KMT2A: variants seen among roughly 807,000 people sequenced by gnomAD.
The protein encoded by KMT2A is histone-lysine N-methyltransferase 2A.
KMT2A carries 16 observed loss-of-function variants against 345.3 expected under a neutral mutation model. The observed-to-expected ratio is 0.05, with a 90% CI of 0.03 to 0.07. KMT2A has a LOEUF of 0.07. Ranked by LOEUF, KMT2A falls within the 10% of genes least tolerant of loss-of-function variation. KMT2A has a pLI of 1.00. For synonymous variants in KMT2A, 1,599 were observed against 1,778.6 expected (o/e 0.90, Z 2.54); for missense variants, 3,272 against 4,841.6 (o/e 0.68, Z 9.62).
chr11:118,439,158 C>CAAAAAAAAAAAAGAAAAA, intron 1 of KMT2A: 1 of 265,446 alleles, frequency 3.8e-6, no homozygotes, highest in Non-Finnish European at 7.5e-6. Flanking sequence ...GATACAGCAG[C>CAAAAAAAAAAAAGAAAAA]AAAAAAAAAA....
In KMT2A at chr11:118,498,330, T is replaced by A; in HGVS notation, c.5803-40T>A. 1 of 1,573,738 alleles carries A rather than the reference T, an allele frequency of 6.4e-7. No individual in the cohort carries two copies. The highest frequency in any genetic ancestry group is 1.1e-5 in the South Asian group (1 of 87,522). ...GAGACGGTAAACGTCTTAAAACATA[T>A]GAAAGTCTGAATAGGACTCTGTTCT... On this transcript the variant is annotated intron_variant, in intron 21 of 35. Transcript: ENST00000534358. The surrounding 1 kb of genome is among the most constrained non-coding windows in gnomAD (Gnocchi z 4.4).
rs141926731 is a variant in KMT2A, at chr11:118,469,083, T to C, written c.502+239T>C. Among the ~76,000 whole-genome samples the C allele has an allele frequency of 5.0e-3, 760 of 152,260 alleles. 3 individuals are homozygous for C. Among genetic ancestry groups the C allele is most frequent in the African/African-American group, 0.018 (728 of 41,524 alleles). ...GTATACATGTGCCATGCTGGTGCGCTGCACCCACTAACTCGTCATCTAGCA... is the reference window on the plus strand; with the variant it reads ...GTATACATGTGCCATGCTGGTGCGCCGCACCCACTAACTCGTCATCTAGCA... On this transcript the variant is annotated intron_variant, in intron 2 of 35. Transcript: ENST00000534358.
intron 11 of KMT2A, among the ~76,000 whole-genome samples, chr11:118,489,229 C>T (rs1950284571): frequency 4.4e-5 from 2 of 45,868 alleles, no homozygotes; most frequent in South Asian, 5.4e-4. Flanking sequence ...GAGACTCCAT[C>T]TCAAAAAAAA....
chr11:118,486,248 A>C (rs1357973655), intron 10 of KMT2A, among the ~76,000 whole-genome samples: 1 of 152,224 alleles, frequency 6.6e-6, no homozygotes, highest in African/African-American at 2.4e-5. Flanking sequence ...ATAATATATA[A>C]AGCACAATCC....
rs1228808276 is a variant in KMT2A at position 118,472,108 on chromosome 11, G to C, written c.949G>C (p.Gly317Arg). 9.3e-6 allele frequency: 15 copies of C among 1,613,846 alleles called. No homozygotes were observed. Among genetic ancestry groups the C allele is most frequent in the Admixed American group, 3.3e-5 (2 of 59,982 alleles). The change falls in exon 3 of 36, where the codon GGT becomes CGT. Residue 317 changes from glycine (G) to arginine (R), a missense_variant. This residue lies in a region of KMT2A where 412 missense variants were observed against 511.0 expected (regional missense o/e 0.81). Transcript: ENST00000534358. ...PSTERIKTPS[G>R]LLINSELEKP... ...AACAGAAAGGATAAAGACCCCTTCG[G>C]GTCTCCTCATTAATTCTGAACTGGA...
At chr11:118,440,925 C>T (rs1281376086) in intron 1 of KMT2A, among the ~76,000 whole-genome samples, 1 of 151,774 alleles carries the variant, frequency 6.6e-6, no homozygotes, top group Admixed American at 6.6e-5. Context: ...TGCACGAAGC[C>T]TCCGAGTAGA....
intron 15 of KMT2A, among the ~76,000 whole-genome samples, chr11:118,492,675 T>C (rs1950344703): frequency 6.6e-6 from 1 of 152,056 alleles, no homozygotes; most frequent in African/African-American, 2.4e-5. Flanking sequence ...CGAGAGTCCA[T>C]CTCAAAACAA....
At chr11:118,507,695 T>A in intron 28 of KMT2A, 86 bp downstream of exon 28, 1 of 1,076,730 alleles carries the variant, frequency 9.3e-7, no homozygotes, top group Non-Finnish European at 1.4e-6. Context: ...CCGGGCGCAG[T>A]GGCTCACGCC....
Position 118,524,128 on chromosome 11 carries a change from CCCA to C in KMT2A, c.*1960_*1962del, listed in dbSNP as rs1429649075. ...TAGGCCACTCTTTCCTTTCCCTCTG[CCCA>C]CCAAGTCCTCATATCTGCAGAGAAC... On this transcript the variant is annotated 3_prime_UTR_variant, in exon 36 of 36. Coordinates refer to ENST00000534358, the MANE Select transcript of KMT2A (RefSeq NM_001197104.2). 2.2e-5 allele frequency: 4 copies of C among 184,310 alleles called. No individual in the cohort carries two copies. The East Asian group carries it at 2.6e-4, about 12-fold the overall frequency. The allele number at this position is 184,310 out of a possible 1,614,324, so 11.4% of individuals were successfully genotyped here.
chr11:118,486,238 A>G (rs1950227305), intron 10 of KMT2A, among the ~76,000 whole-genome samples: 1 of 152,226 alleles, frequency 6.6e-6, no homozygotes, highest in African/African-American at 2.4e-5. Flanking sequence ...AGGTTACAAG[A>G]TAATATATAA....
Position 118,520,327 on chromosome 11 carries a change from G to A in KMT2A, c.11429+263G>A. 1 of 462,446 alleles carries A rather than the reference G, an allele frequency of 2.2e-6. No homozygotes were observed. The highest frequency in any genetic ancestry group is 3.8e-6 in the Non-Finnish European group (1 of 260,322). The allele number at this position is 462,446 out of a possible 1,614,324, so 28.6% of individuals were successfully genotyped here. A position where few individuals can be genotyped will look rare whatever the true frequency, so the allele number is the denominator to read the frequency against. On this transcript the variant is annotated intron_variant, in intron 33 of 35. Coordinates refer to ENST00000534358, the MANE Select transcript of KMT2A (RefSeq NM_001197104.2). The surrounding 1 kb of genome is among the most constrained non-coding windows in gnomAD (Gnocchi z 4.3). ...CAGCTTTGGTTGTACCACCATAGTT[G>A]TCATGGTCAGAAAGTACTATATATA...
intron 30 of KMT2A, among the ~76,000 whole-genome samples, chr11:118,511,636 T>A: frequency 6.6e-6 from 1 of 152,132 alleles, no homozygotes. Flanking sequence ...TACCAAACAT[T>A]CAGGTGTGAG....
In KMT2A at chr11:118,489,857, C is replaced by G; in HGVS notation, c.4545C>G (p.Pro1515=). 7.4e-6 allele frequency: 12 copies of G among 1,614,126 alleles called. No homozygotes were observed. The highest frequency in any genetic ancestry group is 1.0e-5 in the Non-Finnish European group (12 of 1,180,002). The change falls in exon 12 of 36, where the codon CCC becomes CCG. Residue 1515 remains proline, a synonymous_variant. Coordinates refer to ENST00000534358, the MANE Select transcript of KMT2A (RefSeq NM_001197104.2). ...CTGAGTGCCTGGGACCAAACTACCC[C>G]ACCAAACCCACAAAGAAGAAGAAAG... ...YHPECLGPNY[P]TKPTKKKKVW...
chr11:118,514,586 G>A (rs782563370), intron 31 of KMT2A, among the ~76,000 whole-genome samples: 6 of 150,080 alleles, frequency 4.0e-5, no homozygotes, highest in Admixed American at 6.6e-5. Context: ...GACTACAGGC[G>A]CATGCTACCA....
chr11:118,502,765 G>T lies in KMT2A; in HGVS notation c.6873G>T (p.Met2291Ile). ...TGGATGGATCTTCATCTTCAGAAAT[G>T]AAGCAGTCCAGTGCTTCAGACTTGG... ...SHLDGSSSSEMKQSSASDLVS... is the reference protein window; with the variant it reads ...SHLDGSSSSEIKQSSASDLVS... Residue 2291 changes from methionine to isoleucine, a missense_variant, in exon 27 of 36, where the codon ATG (methionine) becomes ATT (isoleucine). Physicochemically the swap from Met to Ile is conservative, Grantham distance 10. This residue lies in a region of KMT2A where 445 missense variants were observed against 500.9 expected (regional missense o/e 0.89). Coordinates refer to ENST00000534358, the MANE Select transcript of KMT2A (RefSeq NM_001197104.2). This position sits in a 1 kb window ranked among gnomAD's most constrained non-coding sequence, Gnocchi z 4.9. 1 of 1,614,144 alleles carries T rather than the reference G, an allele frequency of 6.2e-7. No individual in the cohort carries two copies. The highest frequency in any genetic ancestry group is 2.2e-5 in the East Asian group (1 of 44,892).
intron 1 of KMT2A, among the ~76,000 whole-genome samples, chr11:118,445,513 TG>T (rs2134181263): frequency 6.6e-6 from 1 of 152,342 alleles, no homozygotes; most frequent in South Asian, 2.1e-4. Context: ...CTATACTTGA[TG>T]ACATTTGTTC....
At chr11:118,452,706 T>C (rs1462140658) in intron 1 of KMT2A, among the ~76,000 whole-genome samples, 1 of 150,740 alleles carries the variant, frequency 6.6e-6, no homozygotes, top group Non-Finnish European at 1.5e-5. Flanking sequence ...CCATCTCGGC[T>C]CACAGCAACC....
Position 118,472,170 on chromosome 11 carries a change from A to G in KMT2A, c.1011A>G (p.Thr337=). The G allele has an allele frequency of 1.2e-6, 2 of 1,613,982 alleles. No homozygotes were observed. Among genetic ancestry groups the G allele is most frequent in the East Asian group, 2.2e-5 (1 of 44,884 alleles). ...PQKVRKDKEG[T]PPLTKEDKTV... is the part of the protein sequence containing the mutation. ...AAGTCCGGAAAGACAAGGAAGGAAC[A>G]CCTCCACTTACAAAAGAAGATAAGA... The change falls in exon 3 of 36, where the codon ACA becomes ACG. Residue 337 remains threonine, a synonymous_variant. Transcript: ENST00000534358.
intron 6 of KMT2A, 22 bp downstream of exon 6, chr11:118,480,260 TC>T (rs1225980720): frequency 1.9e-6 from 3 of 1,597,412 alleles, no homozygotes; most frequent in East Asian, 2.2e-5. Flanking sequence ...AAAAAGGTCT[TC>T]CCCCAAATGC....
Sources: allele counts gnomAD v4.1 joint callset (sites outside exome capture counted in the v4.1 genomes callset), GRCh38; gene constraint gnomAD v4.1.1; regional missense constraint gnomAD v4.1.1; non-coding constraint Gnocchi (gnomAD v3.1); transcripts MANE v1.5; gene names NCBI Gene and HGNC (gene_info 2026-07-23, HGNC 2026-07-21).